Variants in SLC51B observed in about 807,000 individuals in gnomAD.
The protein encoded by SLC51B is SLC51 subunit beta, also known as organic solute transporter subunit beta.
A neutral mutation model predicts 8.0 loss-of-function variants in SLC51B; 6 were observed. That is an observed-to-expected ratio of 0.75 (90% CI 0.41 to 1.48). The LOEUF (loss-of-function observed/expected upper bound fraction) is 1.48, where lower values mean the gene tolerates loss of function less well. SLC51B is among the 40% of genes most tolerant of loss of function. The pLI, the probability that SLC51B is intolerant of heterozygous loss-of-function variation, is 0.01. For missense variants in SLC51B, 150 were observed against 149.7 expected (o/e 1.00, Z -0.01); for synonymous variants, 61 against 54.8 (o/e 1.11, Z -0.50).
chr15:65,049,644 G>C (rs111861479), intron 1 of SLC51B: 179 of 162,358 alleles, frequency 1.1e-3, no homozygotes, highest in South Asian at 2.9e-3. Context: ...TCCTTTGCAA[G>C]GGTCCCAGAA....
At position 65,053,013 on chromosome 15, in the gene SLC51B, A is replaced by G. The variant is rs2086675715; in HGVS notation, c.236A>G (p.His79Arg). Residue 79 changes from histidine (H) to arginine (R), a missense_variant, in exon 4 of 4, where the codon CAT (histidine) becomes CGT (arginine). His to Arg is a conservative substitution (Grantham distance 29). Transcript: ENST00000334287. ...PPEKETPEVL[H>R]LDEAKDHNSL... is the part of the protein sequence containing the mutation. ...GAAAAAGAAACTCCAGAAGTCCTGC[A>G]TTTGGATGAGGCCAAGGATCACAAC... The G allele has an allele frequency of 3.7e-6, 6 of 1,613,356 alleles. No homozygotes were observed. Among genetic ancestry groups the G allele is most frequent in the Non-Finnish European group, 4.2e-6 (5 of 1,179,648 alleles).
At chr15:65,051,457 C>T (rs761719010) in intron 2 of SLC51B, 58 bp from the exon 3 acceptor site, 55 of 1,534,042 alleles carry the variant, frequency 3.6e-5, no homozygotes, top group Middle Eastern at 1.7e-4. Flanking sequence ...CAGCTGTTAG[C>T]GGGCTTGAGA....
chr15:65,051,427 C>G, intron 2 of SLC51B, 88 bp from the exon 3 acceptor site: 3 of 1,257,770 alleles, frequency 2.4e-6, no homozygotes, highest in Non-Finnish European at 2.3e-6. Flanking sequence ...ATGCTGTAAG[C>G]TGGGTCTGAG....
At chr15:65,051,370 G>A in intron 2 of SLC51B, 145 bp from the exon 3 acceptor site, 1 of 700,122 alleles carries the variant, frequency 1.4e-6, no homozygotes, top group Non-Finnish European at 2.5e-6. Flanking sequence ...AGTGCCCCAG[G>A]GCAAGGGGCC....
At position 65,051,584 on chromosome 15, in the gene SLC51B, G is replaced by A. The variant is rs373603839; in HGVS notation, c.167G>A (p.Gly56Glu). The A allele has an allele frequency of 9.9e-5, 160 of 1,613,492 alleles. No homozygotes were observed. The highest frequency in any genetic ancestry group is 1.3e-4 in the Non-Finnish European group (152 of 1,179,676). Reference sequence around the variant, plus strand: ...GTCATTATAAGCATGGTCCTCCTGGGAAGAAGCATCCAGGCAAGCAGGTGA... The same window carrying A: ...GTCATTATAAGCATGGTCCTCCTGGAAAGAAGCATCCAGGCAAGCAGGTGA... ...VVVIISMVLLGRSIQASRKEK... is the reference protein window; with the variant it reads ...VVVIISMVLLERSIQASRKEK... Residue 56 changes from glycine (G) to glutamate (E), a missense_variant, in exon 3 of 4, where the codon GGA becomes GAA. Transcript: ENST00000334287.
chr15:65,053,090 CA>C lies in SLC51B; in HGVS notation c.314del (p.Gln105ArgfsTer6), dbSNP rs1362329653. On this transcript the variant is annotated frameshift_variant, in exon 4 of 4. Coordinates refer to ENST00000334287, the MANE Select transcript of SLC51B (RefSeq NM_178859.4). LOFTEE classifies it low-confidence loss of function (END_TRUNC). ...TLLSEKPNLA[Q>X]VELELKERDV... ...GCTCTCAGAAAAGCCAAACTTGGCC[CA>C]GGTGGAACTTGAGTTAAAAGAGAGA... 12 of 1,613,994 alleles carry C rather than the reference CA, an allele frequency of 7.4e-6. No individual in the cohort carries two copies. The African/African-American group carries it at 1.6e-4, about 22-fold the overall frequency.
At position 65,049,991 on chromosome 15, in the gene SLC51B, C is replaced by T. The variant is rs1345610473; in HGVS notation, c.-14C>T. 1 of 1,547,402 alleles carries T rather than the reference C, an allele frequency of 6.5e-7. No individual in the cohort carries two copies. The highest frequency in any genetic ancestry group is 2.0e-5 in the Admixed American group (1 of 50,718). On this transcript the variant is annotated 5_prime_UTR_variant, in exon 2 of 4. Transcript: ENST00000334287. ...TCTAAGGACCTCGTTGCACACGCTA[C>T]CAGGAGCAGGGGCATGGAGCACAGT...
At chr15:65,047,019 T>G (rs986843098) in intron 1 of SLC51B, among the ~76,000 whole-genome samples, 2 of 152,162 alleles carry the variant, frequency 1.3e-5, no homozygotes, top group Non-Finnish European at 2.9e-5. Flanking sequence ...AAAATTGGAA[T>G]TGTTGTCTCA....
At chr15:65,046,027 C>A (rs372355449) in intron 1 of SLC51B, among the ~76,000 whole-genome samples, 2 of 152,176 alleles carry the variant, frequency 1.3e-5, no homozygotes, top group East Asian at 3.9e-4. Flanking sequence ...TGGCCGGGTG[C>A]GGTGGCTCAT....
At position 65,045,794 on chromosome 15, in the gene SLC51B, G is replaced by A. The variant is rs57594268; in HGVS notation, c.-109+212G>A. Reference sequence around the variant, plus strand: ...GGCAAAACTAACAAAATGCAAATAAGGCATAAAGTTTAATTTAATCATGCA... The same window carrying A: ...GGCAAAACTAACAAAATGCAAATAAAGCATAAAGTTTAATTTAATCATGCA... On this transcript the variant is annotated intron_variant, in intron 1 of 3. Transcript: ENST00000334287. Among the ~76,000 whole-genome samples the A allele has an allele frequency of 4.6e-3, 695 of 152,338 alleles. 5 individuals are homozygous for A. The highest frequency in any genetic ancestry group is 0.016 in the African/African-American group (666 of 41,588).
chr15:65,051,686 G>T, intron 3 of SLC51B, 81 bp downstream of exon 3: 2 of 1,358,082 alleles, frequency 1.5e-6, no homozygotes, highest in African/African-American at 1.4e-5. Flanking sequence ...CTAGAGAGGG[G>T]TCACTTAGGG....
rs2086645478 is a variant in SLC51B, at chr15:65,050,901, G to A, written c.98-614G>A. ...ACTCTGTTGCCCAGGCTGGAGTGCA[G>A]TGGTGCAATCTTGGCTCACTGCAAG... On this transcript the variant is annotated intron_variant, in intron 2 of 3. Coordinates refer to ENST00000334287, the MANE Select transcript of SLC51B (RefSeq NM_178859.4). 2.9e-5 allele frequency among the ~76,000 whole-genome samples: 4 copies of A among 136,520 alleles called. No individual in the cohort carries two copies. In the Admixed American group the frequency reaches 3.3e-4, roughly 11 times the overall value. The allele number at this position is 136,520 out of a possible 152,430, so 89.6% of individuals were successfully genotyped here.
At chr15:65,051,655 C>A (rs376837594) in intron 3 of SLC51B, 50 bp downstream of exon 3, 1 of 1,558,770 alleles carries the variant, frequency 6.4e-7, no homozygotes, top group South Asian at 1.1e-5. Flanking sequence ...GGGTAGAGGC[C>A]CTGCCTTCCC....
chr15:65,048,700 G>A (rs537590054), intron 1 of SLC51B, among the ~76,000 whole-genome samples: 41 of 152,068 alleles, frequency 2.7e-4, no homozygotes, highest in African/African-American at 9.2e-4. Flanking sequence ...TGTTTAATGC[G>A]TGTCCTTTTA....
chr15:65,050,212 C>T (rs1415664036), intron 2 of SLC51B, 111 bp downstream of exon 2: 2 of 834,100 alleles, frequency 2.4e-6, no homozygotes, highest in Non-Finnish European at 3.8e-6. Flanking sequence ...CGGTACATTT[C>T]CTCCAAGACA....
intron 2 of SLC51B, 75 bp downstream of exon 2, chr15:65,050,176 G>C: frequency 8.4e-7 from 1 of 1,194,846 alleles, no homozygotes. Context: ...TGAAGGTCCT[G>C]ACACTGTCGT....
At chr15:65,050,594 GC>G (rs1314169976) in intron 2 of SLC51B, among the ~76,000 whole-genome samples, 4 of 152,198 alleles carry the variant, frequency 2.6e-5, no homozygotes, top group African/African-American at 9.7e-5. Context: ...AAGGTGACTT[GC>G]AGGAAACTAA....
At chr15:65,050,499 G>C (rs1002173236) in intron 2 of SLC51B, among the ~76,000 whole-genome samples, 4 of 152,246 alleles carry the variant, frequency 2.6e-5, no homozygotes, top group Non-Finnish European at 5.9e-5. Flanking sequence ...AAATTAAACA[G>C]AGAAAGAGAA....
chr15:65,046,309 A>G (rs556500954), intron 1 of SLC51B, among the ~76,000 whole-genome samples: 13 of 152,254 alleles, frequency 8.5e-5, no homozygotes, highest in African/African-American at 3.1e-4. Context: ...CTCTAAATAA[A>G]TAAATACAAA....
Sources: allele counts gnomAD v4.1 joint callset (sites outside exome capture counted in the v4.1 genomes callset), GRCh38; gene constraint gnomAD v4.1.1; transcripts MANE v1.5; gene names NCBI Gene and HGNC (gene_info 2026-07-23, HGNC 2026-07-21).